OSBP2: variants seen among roughly 807,000 people sequenced by gnomAD.
OSBP2 encodes the protein oxysterol binding protein 2.
A neutral mutation model predicts 96.0 loss-of-function variants in OSBP2; 66 were observed. The observed-to-expected ratio is 0.69, with a 90% CI of 0.56 to 0.84. OSBP2 has a LOEUF of 0.84. Ranked by LOEUF, OSBP2 falls within the 40% of genes least tolerant of loss-of-function variation. The pLI is 0.00. For synonymous variants in OSBP2, 525 were observed against 520.9 expected, an observed-to-expected ratio of 1.01 and a Z score of -0.11; for missense variants, 1,038 against 1,222.7, an observed-to-expected ratio of 0.85 and a Z score of 2.25.
chr22:30,831,419 C>T (rs563725969), intron 2 of OSBP2, among the ~76,000 whole-genome samples: 150 of 152,244 alleles, frequency 9.9e-4, no homozygotes, highest in South Asian at 2.3e-3. Context: ...GCATTCTAAA[C>T]GAAGTTGGTT....
Position 30,872,229 on chromosome 22 carries a change from T to C in OSBP2, c.1107+1547T>C, listed in dbSNP as rs923883724. The C allele has an allele frequency of 1.5e-5, 7 of 456,436 alleles. No homozygotes were observed. In the East Asian group the frequency reaches 3.5e-4, roughly 23 times the overall value. The allele number at this position is 456,436 out of a possible 1,614,324, so 28.3% of individuals were successfully genotyped here. ...CCTTACAGCCCACAGACCAGATTGCTGTACTTCTACCAGGGACACACACAA... is the reference window on the plus strand; with the variant it reads ...CCTTACAGCCCACAGACCAGATTGCCGTACTTCTACCAGGGACACACACAA... On this transcript the variant is annotated intron_variant, in intron 3 of 13. Coordinates refer to ENST00000332585, the MANE Select transcript of OSBP2 (RefSeq NM_030758.4).
At chr22:30,767,296 C>T (rs112653816) in intron 2 of OSBP2, among the ~76,000 whole-genome samples, 1 of 151,266 alleles carries the variant, frequency 6.6e-6, no homozygotes, top group African/African-American at 2.4e-5. Context: ...GGCAACAGAG[C>T]AAGACTTTCT....
At chr22:30,840,323 GGA>G (rs1491430881) in intron 2 of OSBP2, among the ~76,000 whole-genome samples, 33 of 148,826 alleles carry the variant, frequency 2.2e-4, no homozygotes, top group African/African-American at 6.9e-4. Flanking sequence ...AAAAGAAAAA[GGA>G]AAAAAAAAAA....
At chr22:30,705,530 T>C (rs1301797478) in intron 1 of OSBP2, among the ~76,000 whole-genome samples, 1 of 152,128 alleles carries the variant, frequency 6.6e-6, no homozygotes, top group East Asian at 1.9e-4. Flanking sequence ...CGACTTCACA[T>C]GATCCACCTG....
At chr22:30,873,499 C>A (rs181242174) in intron 3 of OSBP2, among the ~76,000 whole-genome samples, 20 of 152,298 alleles carry the variant, frequency 1.3e-4, no homozygotes, top group Admixed American at 7.8e-4. Context: ...GCACCGCAGT[C>A]CCCAGAAGGT....
intron 2 of OSBP2, among the ~76,000 whole-genome samples, chr22:30,851,406 T>G (rs1443049824): frequency 1.3e-5 from 2 of 152,160 alleles, no homozygotes; most frequent in Non-Finnish European, 2.9e-5. Flanking sequence ...TTGCTAGTAT[T>G]TCAGAAAAAT....
At chr22:30,837,656 C>T (rs775899488) in intron 2 of OSBP2, among the ~76,000 whole-genome samples, 1 of 152,160 alleles carries the variant, frequency 6.6e-6, no homozygotes, top group Non-Finnish European at 1.5e-5. Flanking sequence ...GGCTCTGAGC[C>T]CTGCGCTCGT....
chr22:30,864,341 G>A (rs9609130), intron 2 of OSBP2, among the ~76,000 whole-genome samples: 33,872 of 152,134 alleles, frequency 0.22, 4,691 homozygotes, highest in East Asian at 0.4. Flanking sequence ...CCAAAGGAGG[G>A]AGCCTGAGGG....
intron 2 of OSBP2, among the ~76,000 whole-genome samples, chr22:30,777,444 G>A (rs573328310): frequency 1.3e-5 from 2 of 152,272 alleles, no homozygotes; most frequent in East Asian, 1.9e-4. Context: ...CATGTGAGAC[G>A]TGCCTTTTAC....
chr22:30,857,280 G>A (rs1175754570), intron 2 of OSBP2, among the ~76,000 whole-genome samples: 1 of 152,150 alleles, frequency 6.6e-6, no homozygotes, highest in East Asian at 1.9e-4. Context: ...TAGCAGCTGG[G>A]GCCTTGTTTA....
At chr22:30,812,690 C>T (rs2091026117) in intron 2 of OSBP2, among the ~76,000 whole-genome samples, 1 of 152,166 alleles carries the variant, frequency 6.6e-6, no homozygotes, top group Non-Finnish European at 1.5e-5. Context: ...TAAGTATCAA[C>T]AGATGCTATA....
At chr22:30,876,633 C>T (rs1380719251) in intron 3 of OSBP2, among the ~76,000 whole-genome samples, 1 of 152,246 alleles carries the variant, frequency 6.6e-6, no homozygotes, top group Non-Finnish European at 1.5e-5. Context: ...TCCCCCAACA[C>T]CCATGCCCCA....
chr22:30,887,422 C>T lies in OSBP2; in HGVS notation c.1108-4C>T. On this transcript the variant is annotated splice_region_variant and splice_polypyrimidine_tract_variant and intron_variant, in intron 3 of 13. Coordinates refer to ENST00000332585, the MANE Select transcript of OSBP2 (RefSeq NM_030758.4). ...GTCTCATACCGCCACTCCTCCCTCCCCAGGCCTGCAGGGACTTCTTGGAAC... is the reference window on the plus strand; with the variant it reads ...GTCTCATACCGCCACTCCTCCCTCCTCAGGCCTGCAGGGACTTCTTGGAAC... The T allele has an allele frequency of 7.4e-6, 12 of 1,610,854 alleles. No homozygotes were observed. The highest frequency in any genetic ancestry group is 1.0e-5 in the Non-Finnish European group (12 of 1,177,840).
chr22:30,737,578 C>T (rs1280239361), intron 1 of OSBP2, among the ~76,000 whole-genome samples: 1 of 152,042 alleles, frequency 6.6e-6, no homozygotes, highest in Non-Finnish European at 1.5e-5. Context: ...ATCCTCCCAC[C>T]TTGGCCTCCT....
chr22:30,860,511 A>G (rs5753351), intron 2 of OSBP2, among the ~76,000 whole-genome samples: 53,142 of 152,154 alleles, frequency 0.35, 10,356 homozygotes, highest in East Asian at 0.65. Context: ...ACTTCGCGCC[A>G]GAGGAGGGGG....
intron 1 of OSBP2, among the ~76,000 whole-genome samples, chr22:30,723,051 G>A (rs563938053): frequency 1.3e-5 from 2 of 152,068 alleles, no homozygotes; most frequent in East Asian, 1.9e-4. Flanking sequence ...CTTCCAAAGT[G>A]TTGCTGGGAT....
chr22:30,783,084 T>C (rs1161387411), intron 2 of OSBP2, among the ~76,000 whole-genome samples: 1 of 135,810 alleles, frequency 7.4e-6, no homozygotes, highest in Non-Finnish European at 1.6e-5. Flanking sequence ...TTTTTTTTTT[T>C]TTCTGGAGAA....
intron 1 of OSBP2, among the ~76,000 whole-genome samples, chr22:30,700,687 A>G (rs1051403053): frequency 2.0e-5 from 3 of 152,024 alleles, no homozygotes; most frequent in Non-Finnish European, 4.4e-5. Context: ...TATTGTTCAT[A>G]CTGATCTCTG....
At chr22:30,902,488 G>C in intron 12 of OSBP2, 1 of 1,578,350 alleles carries the variant, frequency 6.3e-7, no homozygotes, top group African/African-American at 1.3e-5. Flanking sequence ...ATTCAGAAAA[G>C]GTGTACCAGA....
Sources: gnomAD v4.1 joint callset for allele counts (sites outside exome capture counted in the v4.1 genomes callset) on GRCh38, gnomAD v4.1.1 for gene constraint, MANE v1.5 for transcripts, NCBI Gene and HGNC (gene_info 2026-07-23, HGNC 2026-07-21) for gene names.